CFAP70: variants seen among roughly 807,000 people sequenced by gnomAD.
CFAP70 encodes the protein cilia- and flagella-associated protein 70.
Under a neutral mutation model 137.6 loss-of-function variants are expected in CFAP70, and 81 were observed. The ratio of observed to expected loss-of-function variants is 0.59; its 90% confidence interval spans 0.49 to 0.71. The LOEUF (loss-of-function observed/expected upper bound fraction) is 0.71. Among genes scored for constraint, CFAP70 ranks in the 30% least tolerant of loss-of-function variants. The pLI is 0.00. For missense variants in CFAP70, 976 were observed against 1,226.7 expected (o/e 0.80, Z 3.05); for synonymous variants, 382 against 423.6 (o/e 0.90, Z 1.20).
intron 21 of CFAP70, 69 bp downstream of exon 22, chr10:73,277,171 C>A: frequency 6.7e-7 from 1 of 1,487,340 alleles, no homozygotes; most frequent in South Asian, 1.4e-5. Context: ...TTGAAAGATA[C>A]CATTATGGAT....
intron 5 of CFAP70, among the ~76,000 whole-genome samples, chr10:73,342,684 A>G (rs1257020892): frequency 6.6e-6 from 1 of 152,208 alleles, no homozygotes; most frequent in East Asian, 1.9e-4. Flanking sequence ...AGTACAACAG[A>G]GCCTTCATCA....
chr10:73,350,907 C>T (rs1043348807), intron 3 of CFAP70, among the ~76,000 whole-genome samples: 1 of 151,038 alleles, frequency 6.6e-6, no homozygotes, highest in Non-Finnish European at 1.5e-5. Context: ...GCTACAAGTG[C>T]TCACCACCAT....
At chr10:73,310,109 A>G (rs201898199) in intron 12 of CFAP70, 49 bp downstream of exon 13, 30 of 1,272,800 alleles carry the variant, frequency 2.4e-5, no homozygotes, top group Middle Eastern at 3.8e-4. Flanking sequence ...ACTTCCTCTT[A>G]TTTATACCCA....
intron 9 of CFAP70, among the ~76,000 whole-genome samples, chr10:73,321,636 A>C (rs1354757494): frequency 6.6e-6 from 1 of 152,140 alleles, no homozygotes; most frequent in African/African-American, 2.4e-5. Context: ...CAACATGATG[A>C]AACTGATTTT....
In CFAP70 at chr10:73,254,630, A is replaced by G. The variant is rs117007624; in HGVS notation, c.3076-575T>C. 1.5e-4 allele frequency among the ~76,000 whole-genome samples: 23 copies of G among 152,360 alleles called. No homozygotes were observed. In the East Asian group the frequency reaches 3.7e-3, roughly 24 times the overall value. Reference sequence around the variant, plus strand: ...GGTAGTCATGACCAATTGCCACCCAATGAAATGTAAACTAAAGTCATTGGG... The same window carrying G: ...GGTAGTCATGACCAATTGCCACCCAGTGAAATGTAAACTAAAGTCATTGGG... On this transcript the variant is annotated intron_variant, in intron 26 of 26. Coordinates refer to ENST00000310715, the Ensembl canonical transcript of CFAP70.
At chr10:73,354,816 C>T (rs1287609795) in exon 2 of CFAP70, 1 of 1,612,512 alleles carries the variant, frequency 6.2e-7, no homozygotes, top group Non-Finnish European at 8.5e-7. Flanking sequence ...TGGGAAAAGT[C>T]CCTCTGTTTT....
At chr10:73,338,594 C>A (rs765926015) in intron 6 of CFAP70, among the ~76,000 whole-genome samples, 15 of 151,460 alleles carry the variant, frequency 9.9e-5, no homozygotes, top group Admixed American at 6.6e-4. Flanking sequence ...CTACACCCAG[C>A]CAATTCTTGT....
At chr10:73,273,424 C>T (rs1211082055) in intron 23 of CFAP70, among the ~76,000 whole-genome samples, 1 of 152,216 alleles carries the variant, frequency 6.6e-6, no homozygotes, top group Non-Finnish European at 1.5e-5. Flanking sequence ...TTGATACAGC[C>T]TCATCATTTT....
At chr10:73,304,548 A>G (rs891633774) in intron 12 of CFAP70, among the ~76,000 whole-genome samples, 1 of 152,238 alleles carries the variant, frequency 6.6e-6, no homozygotes, top group African/African-American at 2.4e-5. Flanking sequence ...TTAAAATTAA[A>G]ATGAGAAACT....
chr10:73,290,886 T>C lies in CFAP70; in HGVS notation c.2239+340A>G, dbSNP rs1409001932. On this transcript the variant is annotated intron_variant, in intron 19 of 26. Coordinates refer to ENST00000310715, the Ensembl canonical transcript of CFAP70. ...CACTAATCATATGAATGAGGAAATATTTAGAAGTTCAGAGTTTTTCCTGGT... is the reference window on the plus strand; with the variant it reads ...CACTAATCATATGAATGAGGAAATACTTAGAAGTTCAGAGTTTTTCCTGGT... 2.0e-5 allele frequency among the ~76,000 whole-genome samples: 3 copies of C among 152,198 alleles called. No homozygotes were observed. The South Asian group carries it at 6.2e-4, about 32-fold the overall frequency.
chr10:73,254,241 A>G, intron 26 of CFAP70, 186 bp from the exon 28 acceptor site: 1 of 401,746 alleles, frequency 2.5e-6, no homozygotes, highest in Non-Finnish European at 4.4e-6. Flanking sequence ...TCCTGGTTAC[A>G]TGGATATGTT....
At chr10:73,312,510 T>C in exon 10 of CFAP70, 1 of 1,612,200 alleles carries the variant, frequency 6.2e-7, no homozygotes, top group Non-Finnish European at 8.5e-7. Flanking sequence ...TATATCCTTT[T>C]CTTTCACTGG....
intron 12 of CFAP70, among the ~76,000 whole-genome samples, chr10:73,301,022 A>C (rs2048910406): frequency 6.6e-6 from 1 of 152,190 alleles, no homozygotes; most frequent in African/African-American, 2.4e-5. Context: ...ATAAACAAAC[A>C]AGATAAATAT....
chr10:73,322,955 T>TTTCTTA lies in CFAP70; in HGVS notation c.912+2_912+7dup. 1 of 1,579,542 alleles carries TTTCTTA rather than the reference T, an allele frequency of 6.3e-7. No individual in the cohort carries two copies. Among genetic ancestry groups the TTTCTTA allele is most frequent in the Non-Finnish European group, 8.6e-7 (1 of 1,168,076 alleles). On this transcript the variant is annotated splice_region_variant and intron_variant, in intron 9 of 26. Transcript: ENST00000310715. ...TACCATGATGATTTTTATGCAATTTTTTCTTACCTTTTCATGGACTACACT... is the reference window on the plus strand; with the variant it reads ...TACCATGATGATTTTTATGCAATTTTTTCTTATTCTTACCTTTTCATGGACTACACT...
exon 10 of CFAP70, chr10:73,312,506 C>A: frequency 8.1e-6 from 13 of 1,611,790 alleles, no homozygotes; most frequent in Middle Eastern, 1.7e-4. Context: ...CATCTATATC[C>A]TTTTCTTTCA....
intron 12 of CFAP70, among the ~76,000 whole-genome samples, chr10:73,300,343 G>T (rs115323252): frequency 0.022 from 3,348 of 152,008 alleles, 94 homozygotes; most frequent in African/African-American, 0.068. Flanking sequence ...CTACCTTGAA[G>T]TCCACAATCA....
chr10:73,326,370 C>T (rs556524778), intron 8 of CFAP70, among the ~76,000 whole-genome samples: 46 of 145,458 alleles, frequency 3.2e-4, no homozygotes, highest in South Asian at 2.7e-3. Context: ...ACTAAATGCC[C>T]ACAAGAGAAA....
intron 24 of CFAP70, among the ~76,000 whole-genome samples, chr10:73,270,815 C>A (rs1036569842): frequency 2.6e-5 from 4 of 151,538 alleles, no homozygotes; most frequent in Admixed American, 1.3e-4. Flanking sequence ...GGATTACAGG[C>A]ATGAACCACC....
chr10:73,345,826 G>C (rs935450873), intron 4 of CFAP70, among the ~76,000 whole-genome samples: 2 of 151,992 alleles, frequency 1.3e-5, no homozygotes, highest in African/African-American at 4.8e-5. Flanking sequence ...GTCGATAGAA[G>C]TTGCACATGA....
Sources: allele counts gnomAD v4.1 joint callset (sites outside exome capture counted in the v4.1 genomes callset), GRCh38; gene constraint gnomAD v4.1.1; transcripts MANE v1.5; gene names NCBI Gene and HGNC (gene_info 2026-07-23, HGNC 2026-07-21).